Variants in CFAP70 observed in about 807,000 individuals in gnomAD.
CFAP70 encodes cilia- and flagella-associated protein 70.
Under a neutral mutation model 137.6 loss-of-function variants are expected in CFAP70, and 81 were observed. That is an observed-to-expected ratio of 0.59 (90% CI 0.49 to 0.71). The LOEUF is 0.71. CFAP70 is among the 30% of genes least tolerant of loss of function. The pLI is 0.00. For missense variants in CFAP70, 976 were observed against 1,226.7 expected, an observed-to-expected ratio of 0.80 and a Z score of 3.05; for synonymous variants, 382 against 423.6, an observed-to-expected ratio of 0.90 and a Z score of 1.20.
At chr10:73,325,725 CA>C (rs369134248) in intron 8 of CFAP70, among the ~76,000 whole-genome samples, 1 of 151,890 alleles carries the variant, frequency 6.6e-6, no homozygotes, top group Non-Finnish European at 1.5e-5. Context: ...CAACAAAGAT[CA>C]AAAGAGACAA....
chr10:73,288,470 T>G (rs2047915562), intron 19 of CFAP70, among the ~76,000 whole-genome samples: 1 of 152,186 alleles, frequency 6.6e-6, no homozygotes, highest in Non-Finnish European at 1.5e-5. Flanking sequence ...CTCAGGTGCA[T>G]GCTCTGTATC....
chr10:73,339,339 T>A (rs2053019813), intron 6 of CFAP70, among the ~76,000 whole-genome samples: 1 of 152,266 alleles, frequency 6.6e-6, no homozygotes, highest in African/African-American at 2.4e-5. Context: ...GGGTCTTCCT[T>A]TGACTTACAT....
exon 19 of CFAP70, chr10:73,291,274 C>T: frequency 1.2e-6 from 2 of 1,614,142 alleles, no homozygotes; most frequent in Non-Finnish European, 1.7e-6. Flanking sequence ...TTTGTGATTC[C>T]CCAAGGGCCT....
rs183002105 is a variant in CFAP70 at position 73,323,542 on chromosome 10, G to A, written c.778-445C>T. ...CGAGGCACTGCCTCACTCGGGAAGC[G>A]CAAGGGGTCAGGGAGTTCCCTTTCC... On this transcript the variant is annotated intron_variant, in intron 8 of 26. Transcript: ENST00000310715. Among the ~76,000 whole-genome samples, 50 of 152,354 alleles carry A rather than the reference G, an allele frequency of 3.3e-4. No homozygotes were observed. In the East Asian group the frequency reaches 5.6e-3, roughly 17 times the overall value.
At chr10:73,307,352 T>C (rs2049468069) in intron 12 of CFAP70, among the ~76,000 whole-genome samples, 1 of 151,810 alleles carries the variant, frequency 6.6e-6, no homozygotes, top group African/African-American at 2.4e-5. Context: ...CAGAAGTAAA[T>C]CCTTCTCTAT....
rs1024884512 is a variant in CFAP70 at position 73,277,126 on chromosome 10, A to G, written c.2520+114T>C. 5 of 1,333,366 alleles carry G rather than the reference A, an allele frequency of 3.7e-6. No homozygotes were observed. The African/African-American group carries it at 7.4e-5, about 20-fold the overall frequency. The allele number at this position is 1,333,366 out of a possible 1,614,324, so 82.6% of individuals were successfully genotyped here. A position where few individuals can be genotyped will look rare whatever the true frequency, so the allele number is the denominator to read the frequency against. ...ATTGGGCTTAAAGTATGCTCTCAAA[A>G]GCATATTTGATTTCTGTTTCACAAA... On this transcript the variant is annotated intron_variant, in intron 21 of 26. Coordinates refer to ENST00000310715, the Ensembl canonical transcript of CFAP70.
At chr10:73,312,748 T>C (rs2050019930) in intron 9 of CFAP70, 105 bp from the exon 11 acceptor site, 9 of 1,012,100 alleles carry the variant, frequency 8.9e-6, no homozygotes, top group Non-Finnish European at 1.3e-5. Context: ...AATTTCGACA[T>C]TTAATATCAG....
intron 12 of CFAP70, among the ~76,000 whole-genome samples, chr10:73,302,049 T>G (rs2048993302): frequency 6.6e-6 from 1 of 152,198 alleles, no homozygotes; most frequent in Non-Finnish European, 1.5e-5. Flanking sequence ...CATCTAAGTA[T>G]ATCTTACATC....
chr10:73,262,682 AAG>A (rs1330743402), intron 25 of CFAP70, among the ~76,000 whole-genome samples: 4 of 152,200 alleles, frequency 2.6e-5, no homozygotes, highest in African/African-American at 9.6e-5. Flanking sequence ...TATTTTAAAA[AAG>A]AAATTCGTGC....
intron 9 of CFAP70, among the ~76,000 whole-genome samples, chr10:73,315,802 C>A (rs909315719): frequency 3.9e-5 from 6 of 152,170 alleles, no homozygotes; most frequent in African/African-American, 1.2e-4. Context: ...TGAGCTCAAG[C>A]AATCCTCTCA....
At chr10:73,336,798 G>A (rs576323710) in intron 6 of CFAP70, among the ~76,000 whole-genome samples, 6 of 151,358 alleles carry the variant, frequency 4.0e-5, no homozygotes, top group East Asian at 3.9e-4. Context: ...CCGTGGTCTC[G>A]ATCTCCTGAC....
At chr10:73,285,252 T>C (rs953343476) in intron 19 of CFAP70, among the ~76,000 whole-genome samples, 1 of 152,196 alleles carries the variant, frequency 6.6e-6, no homozygotes, top group Non-Finnish European at 1.5e-5. Context: ...ATGAAGAAGA[T>C]GGAGACTTCC....
chr10:73,291,983 T>C lies in CFAP70; in HGVS notation c.1802A>G (p.His601Arg), dbSNP rs545333060. The C allele has an allele frequency of 5.6e-6, 9 of 1,614,162 alleles. No homozygotes were observed. In the South Asian group the frequency reaches 9.9e-5, roughly 18 times the overall value. ...GCAGAAGGCACCATAGTCCAACCAG[T>C]GATCCAGATTCTGGGGCTCACGGAC... The change falls in exon 17 of 27, where the codon CAC becomes CGC. Residue 601 changes from histidine to arginine, a missense_variant. Physicochemically the swap from His to Arg is conservative, Grantham distance 29. Coordinates refer to ENST00000310715, the Ensembl canonical transcript of CFAP70.
At chr10:73,256,902 CAAAAAAAAA>C (rs55805225) in intron 25 of CFAP70, among the ~76,000 whole-genome samples, 2 of 58,320 alleles carry the variant, frequency 3.4e-5, no homozygotes, top group Non-Finnish European at 7.6e-5. Flanking sequence ...GACTCCATCT[CAAAAAAAAA>C]AAAAAAAAAA....
chr10:73,263,111 CATTT>C (rs1050483026), intron 25 of CFAP70, among the ~76,000 whole-genome samples: 54 of 152,200 alleles, frequency 3.5e-4, no homozygotes, highest in Non-Finnish European at 3.8e-4. Context: ...TTCACTCATT[CATTT>C]ATTTGAGACA....
chr10:73,324,862 G>T (rs1403525485), intron 8 of CFAP70, among the ~76,000 whole-genome samples: 1 of 152,206 alleles, frequency 6.6e-6, no homozygotes, highest in Non-Finnish European at 1.5e-5. Flanking sequence ...ACGTCTGATT[G>T]GTGTACCTGA....
intron 3 of CFAP70, among the ~76,000 whole-genome samples, chr10:73,349,713 T>C (rs2054043242): frequency 6.6e-6 from 1 of 152,218 alleles, no homozygotes; most frequent in Non-Finnish European, 1.5e-5. Flanking sequence ...ATTATAACAA[T>C]TTCAAAATTT....
Position 73,257,052 on chromosome 10 carries a change from T to TA in CFAP70, c.3028-637dup, listed in dbSNP as rs1215451388. ...CATTCTGTTAATAATAATTAACACT[T>TA]ACCACTCCGTACTATGTGATTTACA... On this transcript the variant is annotated intron_variant, in intron 25 of 26. Transcript: ENST00000310715. 5.9e-5 allele frequency among the ~76,000 whole-genome samples: 9 copies of TA among 152,296 alleles called. No homozygotes were observed. The South Asian group carries it at 8.3e-4, about 14-fold the overall frequency.
upstream of CFAP70, among the ~76,000 whole-genome samples, chr10:73,361,699 A>G (rs1359967845): frequency 2.0e-5 from 3 of 152,212 alleles, no homozygotes; most frequent in African/African-American, 7.2e-5. Context: ...CTAGCTCAAC[A>G]AATTCCTTTC....
Sources: gnomAD v4.1 joint callset for allele counts (sites outside exome capture counted in the v4.1 genomes callset) on GRCh38, gnomAD v4.1.1 for gene constraint, MANE v1.5 for transcripts, NCBI Gene and HGNC (gene_info 2026-07-23, HGNC 2026-07-21) for gene names.